NACC2: variants seen among roughly 807,000 people sequenced by gnomAD.
The protein encoded by NACC2 is NACC family member 2.
A neutral mutation model predicts 25.1 loss-of-function variants in NACC2; 8 were observed. The observed-to-expected ratio is 0.32, with a 90% CI of 0.19 to 0.57. The LOEUF (loss-of-function observed/expected upper bound fraction) is 0.57. NACC2 is among the 20% of genes least tolerant of loss of function. The probability of loss-of-function intolerance (pLI) is 0.89; values close to 1 mark genes in which losing one functional copy is unlikely to be tolerated. For synonymous variants in NACC2, 435 were observed against 294.7 expected, an observed-to-expected ratio of 1.48 and a Z score of -4.88; for missense variants, 644 against 650.2, an observed-to-expected ratio of 0.99 and a Z score of 0.10.
At chr9:136,068,237 C>T (rs973830673) in intron 1 of NACC2, among the ~76,000 whole-genome samples, 1 of 152,108 alleles carries the variant, frequency 6.6e-6, no homozygotes, top group African/African-American at 2.4e-5. Flanking sequence ...GTAGCTCATG[C>T]CTGTAACCCC....
Position 136,022,979 on chromosome 9 carries a change from A to G in NACC2, c.887-6550T>C, listed in dbSNP as rs1001695768. 3.6e-5 allele frequency among the ~76,000 whole-genome samples: 5 copies of G among 139,554 alleles called. No homozygotes were observed. Among genetic ancestry groups the G allele is most frequent in the African/African-American group, 1.4e-4 (5 of 36,800 alleles). 91.6% of individuals were successfully genotyped at this position (139,554 alleles called of 152,430 possible). A position where few individuals can be genotyped will look rare whatever the true frequency, so the allele number is the denominator to read the frequency against. On this transcript the variant is annotated intron_variant, in intron 2 of 5. Transcript: ENST00000277554. The surrounding 1 kb of genome is among the most constrained non-coding windows in gnomAD (Gnocchi z 4.4). Reference sequence around the variant, plus strand: ...CACATGGGGAAATGCAGAAAAGCCCAGCAGGGAAAGCCAGGAGGAAGAAAA... The same window carrying G: ...CACATGGGGAAATGCAGAAAAGCCCGGCAGGGAAAGCCAGGAGGAAGAAAA...
chr9:136,027,173 C>T (rs569921606), intron 2 of NACC2, among the ~76,000 whole-genome samples: 4 of 152,210 alleles, frequency 2.6e-5, no homozygotes, highest in South Asian at 2.1e-4. Flanking sequence ...TGCAGTGAGC[C>T]GAGATAGCGC....
chr9:136,076,248 A>G (rs543753319), intron 1 of NACC2, among the ~76,000 whole-genome samples: 1 of 152,214 alleles, frequency 6.6e-6, no homozygotes, highest in East Asian at 1.9e-4. Flanking sequence ...GCCCTGCGGA[A>G]CTCGAAGAAG....
intron 2 of NACC2, among the ~76,000 whole-genome samples, chr9:136,042,153 A>G (rs1258328689): frequency 6.6e-6 from 1 of 152,062 alleles, no homozygotes; most frequent in Non-Finnish European, 1.5e-5. Context: ...CACACTGGCT[A>G]ATTTTTGTAT....
At chr9:136,082,725 C>T (rs1267440049) in intron 1 of NACC2, among the ~76,000 whole-genome samples, 1 of 152,228 alleles carries the variant, frequency 6.6e-6, no homozygotes, top group African/African-American at 2.4e-5. Context: ...CTCAATCCAG[C>T]GTGTGCACCA....
chr9:136,083,035 C>T (rs1348608301), intron 1 of NACC2, among the ~76,000 whole-genome samples: 2 of 152,344 alleles, frequency 1.3e-5, no homozygotes, highest in Non-Finnish European at 2.9e-5. Flanking sequence ...CACATGAAAG[C>T]GACCAGATTG....
At chr9:136,064,116 T>C (rs982409108) in intron 1 of NACC2, among the ~76,000 whole-genome samples, 27 of 151,622 alleles carry the variant, frequency 1.8e-4, no homozygotes, top group African/African-American at 6.5e-4. Flanking sequence ...CGGCAAGACC[T>C]CATCTCTACA....
chr9:136,071,542 CAAAAAAAAAAAA>C (rs34087690), intron 1 of NACC2, among the ~76,000 whole-genome samples: 1 of 83,284 alleles, frequency 1.2e-5, no homozygotes, highest in African/African-American at 4.8e-5. Flanking sequence ...GACTCCATCT[CAAAAAAAAAAAA>C]AAAAAAAAAA....
intron 2 of NACC2, among the ~76,000 whole-genome samples, chr9:136,032,439 T>C (rs1037648371): frequency 3.4e-4 from 52 of 151,970 alleles, no homozygotes; most frequent in Non-Finnish European, 6.9e-4. Context: ...TCTGATAAAA[T>C]GTATCACAGT....
chr9:136,059,471 A>G (rs531472520), intron 1 of NACC2, among the ~76,000 whole-genome samples: 4 of 152,260 alleles, frequency 2.6e-5, no homozygotes, highest in East Asian at 3.9e-4. Flanking sequence ...AAGGGGAGTG[A>G]CCTGAACTCT....
chr9:136,016,714 GC>G (rs1397110643), intron 2 of NACC2, among the ~76,000 whole-genome samples: 1 of 152,172 alleles, frequency 6.6e-6, no homozygotes, highest in African/African-American at 2.4e-5. Flanking sequence ...GCCCGCTCAG[GC>G]CCAGGGAATG....
rs189561132 is a variant in NACC2, at chr9:136,058,801, T to A, written c.-59-8221A>T. 5.6e-3 allele frequency among the ~76,000 whole-genome samples: 856 copies of A among 152,336 alleles called. 7 individuals carry two copies. The highest frequency in any genetic ancestry group is 8.9e-3 in the South Asian group (43 of 4,828). On this transcript the variant is annotated intron_variant, in intron 1 of 5. Coordinates refer to ENST00000277554, the MANE Select transcript of NACC2 (RefSeq NM_144653.5). ...TTCGGAATAGCCCCCACCTGCACAC[T>A]TCGGGCAATGCCTCACGCTGGGGCA...
chr9:136,094,127 C>T (rs988802619), intron 1 of NACC2, among the ~76,000 whole-genome samples: 1 of 152,208 alleles, frequency 6.6e-6, no homozygotes, highest in Non-Finnish European at 1.5e-5. Context: ...GGGTCAGCAC[C>T]CCCGCCACAC....
intron 2 of NACC2, among the ~76,000 whole-genome samples, chr9:136,025,435 A>AAAAAC (rs535435723): frequency 9.2e-5 from 14 of 152,200 alleles, no homozygotes; most frequent in East Asian, 3.8e-4. Flanking sequence ...CCAAATGATA[A>AAAAAC]AAAACAAAAC....
At chr9:136,032,201 C>T (rs1840485473) in intron 2 of NACC2, among the ~76,000 whole-genome samples, 1 of 152,230 alleles carries the variant, frequency 6.6e-6, no homozygotes, top group African/African-American at 2.4e-5. Flanking sequence ...CATCCAGAGG[C>T]ATGTATAACA....
rs749460898 is a variant in NACC2, at chr9:136,013,799, T to C, written c.1157+65A>G. On this transcript the variant is annotated intron_variant, in intron 4 of 5. Transcript: ENST00000277554. This position sits in a 1 kb window ranked among gnomAD's most constrained non-coding sequence, Gnocchi z 6.6. ...CAACCCTGGACGATCAGACAGCTCA[T>C]AGCTAAAGGAGCCAGAACCCTCCGC... 2.1e-6 allele frequency: 3 copies of C among 1,397,208 alleles called. No individual in the cohort carries two copies. Among genetic ancestry groups the C allele is most frequent in the African/African-American group, 2.9e-5 (2 of 69,988 alleles). The allele number at this position is 1,397,208 out of a possible 1,614,324, so 86.6% of individuals were successfully genotyped here.
intron 1 of NACC2, among the ~76,000 whole-genome samples, chr9:136,054,510 G>A (rs1214043169): frequency 3.3e-5 from 5 of 152,148 alleles, no homozygotes; most frequent in Middle Eastern, 3.2e-3. Flanking sequence ...CTTGGCTCAC[G>A]CCCCCAGGGC....
At chr9:136,087,622 G>A (rs942805638) in intron 1 of NACC2, among the ~76,000 whole-genome samples, 11 of 152,248 alleles carry the variant, frequency 7.2e-5, no homozygotes, top group African/African-American at 2.7e-4. Context: ...CTGGTGACCA[G>A]AAAGCAGGAT....
chr9:136,042,911 CACAGAG>C (rs1293584415), intron 2 of NACC2, among the ~76,000 whole-genome samples: 1 of 149,892 alleles, frequency 6.7e-6, no homozygotes, highest in Non-Finnish European at 1.5e-5. Context: ...CACACAGAGA[CACAGAG>C]ACAAACAGAC....
Sources: allele counts gnomAD v4.1 joint callset (sites outside exome capture counted in the v4.1 genomes callset), GRCh38; gene constraint gnomAD v4.1.1; non-coding constraint Gnocchi (gnomAD v3.1); transcripts MANE v1.5; gene names NCBI Gene and HGNC (gene_info 2026-07-23, HGNC 2026-07-21).